The following ZNF503 variants were observed in gnomAD, a reference collection of about 807,000 sequenced individuals.
ZNF503 encodes the protein zinc finger protein 503, also known as NocA-like zinc finger 2.
In ZNF503, 15 loss-of-function variants were observed where a neutral mutation model predicts 34.4. The observed-to-expected ratio is 0.44, with a 90% CI of 0.29 to 0.67. The LOEUF is 0.67. Ranked by LOEUF, ZNF503 falls within the 30% of genes least tolerant of loss-of-function variation. The pLI, the probability that ZNF503 is intolerant of heterozygous loss-of-function variation, is 0.13. For synonymous variants in ZNF503, 580 were observed against 456.8 expected, an observed-to-expected ratio of 1.27 and a Z score of -3.44; for missense variants, 1,007 against 926.8, an observed-to-expected ratio of 1.09 and a Z score of -1.12.
the ZNF503 span, among the ~76,000 whole-genome samples, chr10:75,383,686 G>C: frequency 6.6e-6 from 1 of 152,332 alleles, no homozygotes; most frequent in South Asian, 2.1e-4. Flanking sequence ...CAGGTGCTCA[G>C]ATACTTCTTA....
At chr10:75,320,956 C>T in the ZNF503 span, among the ~76,000 whole-genome samples, 1 of 152,084 alleles carries the variant, frequency 6.6e-6, no homozygotes, top group East Asian at 1.9e-4. Flanking sequence ...TGGTTTGGAT[C>T]CCAAATGTCA....
the ZNF503 span, among the ~76,000 whole-genome samples, chr10:75,377,323 A>G: frequency 1.3e-5 from 2 of 152,244 alleles, no homozygotes; most frequent in Non-Finnish European, 2.9e-5. Flanking sequence ...AGAGTTTCTT[A>G]TAGAGCTCAG....
In ZNF503 at chr10:75,399,533, G is replaced by A. The variant is rs1246016296; in HGVS notation, c.1157C>T (p.Pro386Leu). The change falls in exon 2 of 2, where the codon CCG becomes CTG. Residue 386 changes from proline (P) to leucine (L), a missense_variant. By Grantham distance (98) the Pro-to-Leu change is moderately conservative. Transcript: ENST00000372524. ...PHGVALDPTK[P>L]GSLVGAQLAA... is the part of the protein sequence containing the mutation. ...CAGCTGCGCCCCCACCAGGCTGCCC[G>A]GCTTGGTGGGGTCAAGTGCCACGCC... 1.9e-6 allele frequency: 3 copies of A among 1,588,898 alleles called. No individual in the cohort carries two copies. Among genetic ancestry groups the A allele is most frequent in the Non-Finnish European group, 2.6e-6 (3 of 1,175,060 alleles).
At chr10:75,394,099 G>C (rs1843671861), downstream of ZNF503, among the ~76,000 whole-genome samples, 1 of 152,172 alleles carries the variant, frequency 6.6e-6, no homozygotes, top group Non-Finnish European at 1.5e-5. Flanking sequence ...TGTACCTCAA[G>C]CCACTGTCTT....
the ZNF503 span, among the ~76,000 whole-genome samples, chr10:75,288,840 T>C: frequency 6.6e-6 from 1 of 152,218 alleles, no homozygotes; most frequent in Non-Finnish European, 1.5e-5. Context: ...CTTTGCTGCA[T>C]GTGTTAATTT....
chr10:75,380,446 T>G, the ZNF503 span, among the ~76,000 whole-genome samples: 1 of 152,112 alleles, frequency 6.6e-6, no homozygotes, highest in South Asian at 2.1e-4. Context: ...GCACGGTACC[T>G]ATAGGCCACT....
the ZNF503 span, among the ~76,000 whole-genome samples, chr10:75,292,437 G>T: frequency 6.6e-6 from 1 of 152,180 alleles, no homozygotes; most frequent in East Asian, 1.9e-4. Flanking sequence ...AAAAGGCATG[G>T]GATTTGTCGT....
chr10:75,374,883 A>G, the ZNF503 span, among the ~76,000 whole-genome samples: 1 of 152,218 alleles, frequency 6.6e-6, no homozygotes, highest in Non-Finnish European at 1.5e-5. Context: ...AAGGAGGGAT[A>G]AAAGTCCCCA....
the ZNF503 span, among the ~76,000 whole-genome samples, chr10:75,360,119 T>C: frequency 1.4e-5 from 2 of 138,792 alleles, no homozygotes; most frequent in Non-Finnish European, 3.1e-5. Flanking sequence ...GGTTTCTTTT[T>C]TTTTTTTTTT....
the ZNF503 span, among the ~76,000 whole-genome samples, chr10:75,301,448 C>T: frequency 6.6e-6 from 1 of 152,072 alleles, no homozygotes; most frequent in African/African-American, 2.4e-5. Flanking sequence ...ACCATGTTAC[C>T]CAGGTTGGTC....
At chr10:75,317,453 T>G in the ZNF503 span, among the ~76,000 whole-genome samples, 2 of 151,336 alleles carry the variant, frequency 1.3e-5, no homozygotes, top group Non-Finnish European at 2.9e-5. Context: ...AATTTTTTTT[T>G]TTTTTGTACT....
At chr10:75,384,421 A>G in the ZNF503 span, among the ~76,000 whole-genome samples, 13 of 152,102 alleles carry the variant, frequency 8.5e-5, no homozygotes, top group Admixed American at 1.3e-4. Flanking sequence ...CACACTCATA[A>G]ACACATAGAG....
At chr10:75,386,227 C>T in the ZNF503 span, among the ~76,000 whole-genome samples, 1 of 152,218 alleles carries the variant, frequency 6.6e-6, no homozygotes, top group Non-Finnish European at 1.5e-5. Context: ...CTTCCTCCCT[C>T]TACCCTTCTG....
chr10:75,294,829 G>A, the ZNF503 span, among the ~76,000 whole-genome samples: 1 of 152,124 alleles, frequency 6.6e-6, no homozygotes, highest in Non-Finnish European at 1.5e-5. Context: ...TGTCAGCGAG[G>A]GGCCGCCTGT....
At chr10:75,303,808 A>G in the ZNF503 span, among the ~76,000 whole-genome samples, 1 of 148,094 alleles carries the variant, frequency 6.8e-6, no homozygotes, top group Non-Finnish European at 1.5e-5. Context: ...TCCTTTCGCT[A>G]TGCTGGATGA....
At chr10:75,320,329 A>G in the ZNF503 span, among the ~76,000 whole-genome samples, 2 of 152,154 alleles carry the variant, frequency 1.3e-5, no homozygotes, top group African/African-American at 4.8e-5. Context: ...TAAAAATATA[A>G]AAATTAGCTG....
the ZNF503 span, among the ~76,000 whole-genome samples, chr10:75,386,450 AG>A: frequency 5.9e-5 from 9 of 152,234 alleles, no homozygotes; most frequent in African/African-American, 2.2e-4. Flanking sequence ...TAAAGGCCTC[AG>A]GATTTTCTTC....
At chr10:75,356,537 C>T in the ZNF503 span, among the ~76,000 whole-genome samples, 5 of 152,228 alleles carry the variant, frequency 3.3e-5, no homozygotes, top group Non-Finnish European at 7.3e-5. Flanking sequence ...TTTAAGAAAA[C>T]ATCACGTAGC....
chr10:75,354,300 G>T, the ZNF503 span, among the ~76,000 whole-genome samples: 1 of 152,160 alleles, frequency 6.6e-6, no homozygotes, highest in Non-Finnish European at 1.5e-5. Flanking sequence ...AAAGGCAGTT[G>T]GGCAACATTA....
Sources: gnomAD v4.1 joint callset for allele counts (sites outside exome capture counted in the v4.1 genomes callset) on GRCh38, gnomAD v4.1.1 for gene constraint, MANE v1.5 for transcripts, NCBI Gene and HGNC (gene_info 2026-07-23, HGNC 2026-07-21) for gene names.